TDRD10: variants seen among roughly 807,000 people sequenced by gnomAD.
TDRD10 encodes the protein tudor domain containing 10, also known as tudor domain-containing protein 10.
Under a neutral mutation model 48.0 loss-of-function variants are expected in TDRD10, and 40 were observed. The observed-to-expected ratio is 0.83, with a 90% CI of 0.65 to 1.09. The LOEUF (loss-of-function observed/expected upper bound fraction) is 1.09, where lower values mean the gene tolerates loss of function less well. Among genes scored for constraint, TDRD10 ranks in the 50% least tolerant of loss-of-function variants. TDRD10 has a pLI of 0.00. For missense variants in TDRD10, 378 were observed against 434.7 expected, an observed-to-expected ratio of 0.87 and a Z score of 1.16; for synonymous variants, 162 against 170.4, an observed-to-expected ratio of 0.95 and a Z score of 0.38.
At chr1:154,543,886 C>G in intron 8 of TDRD10, 77 bp from the exon 9 acceptor site, 1 of 1,577,666 alleles carries the variant, frequency 6.3e-7, no homozygotes, top group Non-Finnish European at 8.6e-7. Context: ...TCCTGCAGGA[C>G]AGGCGTTGGT....
At chr1:154,527,152 C>A (rs1694361820) in intron 6 of TDRD10, among the ~76,000 whole-genome samples, 2 of 150,282 alleles carry the variant, frequency 1.3e-5, no homozygotes, top group Non-Finnish European at 1.5e-5. Flanking sequence ...CTTAGGTGAT[C>A]CGCCTGCCTC....
chr1:154,507,202 G>A, intron 2 of TDRD10, 39 bp from the exon 3 acceptor site: 1 of 1,613,364 alleles, frequency 6.2e-7, no homozygotes, highest in Non-Finnish European at 8.5e-7. Context: ...GTCGGAGTCT[G>A]AGCTTGGGAG....
rs139017431 is a variant in TDRD10 at position 154,535,983 on chromosome 1, C to T, written c.370-6041C>T. On this transcript the variant is annotated intron_variant, in intron 6 of 12. Transcript: ENST00000368482. ...AAGAAAAATGTAAAATTGAGAGGAG[C>T]GGTATTATGAAGAGCCACTGGAGGT... Among the ~76,000 whole-genome samples, 583 of 152,140 alleles carry T rather than the reference C, an allele frequency of 3.8e-3. 3 individuals carry two copies. Among genetic ancestry groups the T allele is most frequent in the African/African-American group, 0.012 (517 of 41,496 alleles).
intron 9 of TDRD10, 100 bp from the exon 10 acceptor site, chr1:154,544,272 T>C: frequency 4.5e-6 from 7 of 1,541,910 alleles, no homozygotes; most frequent in Non-Finnish European, 6.1e-6. Flanking sequence ...CCTGATGGCC[T>C]TGGGACGGAT....
chr1:154,529,412 G>A (rs1048604027), intron 6 of TDRD10, among the ~76,000 whole-genome samples: 11 of 152,094 alleles, frequency 7.2e-5, no homozygotes, highest in African/African-American at 1.4e-4. Flanking sequence ...ATATAACATC[G>A]AAAACTCAAG....
chr1:154,531,773 C>T (rs2149338587), intron 6 of TDRD10, among the ~76,000 whole-genome samples: 1 of 152,312 alleles, frequency 6.6e-6, no homozygotes, highest in South Asian at 2.1e-4. Flanking sequence ...CCACCCACAT[C>T]CTGCTGATTG....
At chr1:154,508,545 C>T in intron 4 of TDRD10, 64 bp downstream of exon 4, 1 of 1,069,372 alleles carries the variant, frequency 9.4e-7, no homozygotes, top group Non-Finnish European at 1.5e-6. Context: ...TAGTAACCTG[C>T]TAGTAACTTA....
chr1:154,537,793 ACT>A (rs956899156), intron 6 of TDRD10, among the ~76,000 whole-genome samples: 2 of 152,030 alleles, frequency 1.3e-5, no homozygotes, highest in African/African-American at 4.8e-5. Flanking sequence ...CCCCAGCATC[ACT>A]CTGGAGCAGG....
At chr1:154,540,057 G>C (rs1040630031) in intron 6 of TDRD10, among the ~76,000 whole-genome samples, 1 of 152,216 alleles carries the variant, frequency 6.6e-6, no homozygotes, top group African/African-American at 2.4e-5. Context: ...CCAAGGTCAA[G>C]ACTTTGGGTT....
At chr1:154,522,471 G>A (rs6670375) in intron 6 of TDRD10, among the ~76,000 whole-genome samples, 119,452 of 152,064 alleles carry the variant, frequency 0.79, 47,645 homozygotes, top group East Asian at 0.92. Context: ...GGTTGGAGGT[G>A]GAAGCCGAGA....
At chr1:154,532,932 C>T (rs915118742) in intron 6 of TDRD10, among the ~76,000 whole-genome samples, 3 of 152,090 alleles carry the variant, frequency 2.0e-5, no homozygotes, top group East Asian at 1.9e-4. Flanking sequence ...GCTTCATTAC[C>T]GCTGAGGAAA....
At chr1:154,540,751 T>C (rs1336352059) in intron 6 of TDRD10, among the ~76,000 whole-genome samples, 2 of 152,072 alleles carry the variant, frequency 1.3e-5, no homozygotes, top group Non-Finnish European at 2.9e-5. Context: ...CCTAAAACCG[T>C]TGCACTGGAG....
intron 4 of TDRD10, chr1:154,509,992 CA>C: frequency 9.3e-6 from 4 of 431,804 alleles, no homozygotes; most frequent in Non-Finnish European, 1.2e-5. Flanking sequence ...GGGAACGTTT[CA>C]TCCTTGTCCC....
chr1:154,507,408 T>C (rs1404774526), intron 3 of TDRD10, 88 bp downstream of exon 3: 1 of 1,465,668 alleles, frequency 6.8e-7, no homozygotes, highest in Non-Finnish European at 9.4e-7. Context: ...GCCCAGTTTC[T>C]GTTCAATGTG....
intron 1 of TDRD10, among the ~76,000 whole-genome samples, chr1:154,504,912 G>A (rs1693056185): frequency 6.6e-6 from 1 of 152,116 alleles, no homozygotes; most frequent in African/African-American, 2.4e-5. Context: ...GCTTGAATGT[G>A]GGAGGCAGAG....
Position 154,533,401 on chromosome 1 carries a change from G to A in TDRD10, c.370-8623G>A, listed in dbSNP as rs368005233. Among the ~76,000 whole-genome samples the A allele has an allele frequency of 4.9e-4, 72 of 147,576 alleles. No individual in the cohort carries two copies. The South Asian group carries it at 0.014, about 30-fold the overall frequency. On this transcript the variant is annotated intron_variant, in intron 6 of 12. Transcript: ENST00000368482. Reference sequence around the variant, plus strand: ...ACCTACTGGTGTTTCTGGGTTGCTGGCCTCTTCAATTCTAAGTTTGGAATA... The same window carrying A: ...ACCTACTGGTGTTTCTGGGTTGCTGACCTCTTCAATTCTAAGTTTGGAATA...
At chr1:154,515,146 G>A (rs1190582536) in intron 4 of TDRD10, among the ~76,000 whole-genome samples, 1 of 152,066 alleles carries the variant, frequency 6.6e-6, no homozygotes, top group African/African-American at 2.4e-5. Context: ...GGGATTATAG[G>A]AGTGAGCCAC....
chr1:154,524,736 G>T (rs1694224815), intron 6 of TDRD10, among the ~76,000 whole-genome samples: 1 of 152,136 alleles, frequency 6.6e-6, no homozygotes, highest in East Asian at 1.9e-4. Context: ...GCCAAGGTCT[G>T]TCCCCCTTGC....
chr1:154,506,088 A>G (rs1452050072), intron 1 of TDRD10, among the ~76,000 whole-genome samples: 2 of 152,202 alleles, frequency 1.3e-5, no homozygotes, highest in South Asian at 2.1e-4. Flanking sequence ...ATTTGCTTTC[A>G]TAACAAAATA....
Sources: allele counts gnomAD v4.1 joint callset (sites outside exome capture counted in the v4.1 genomes callset), GRCh38; gene constraint gnomAD v4.1.1; transcripts MANE v1.5; gene names NCBI Gene and HGNC (gene_info 2026-07-23, HGNC 2026-07-21).